The following CADPS2 variants were observed in gnomAD, a reference collection of about 807,000 sequenced individuals.
The protein encoded by CADPS2 is calcium dependent secretion activator 2.
CADPS2 carries 93 observed loss-of-function variants against 172.5 expected under a neutral mutation model. That is an observed-to-expected ratio of 0.54 (90% CI 0.46 to 0.64). CADPS2 has a LOEUF of 0.64. Ranked by LOEUF, CADPS2 falls within the 30% of genes least tolerant of loss-of-function variation. CADPS2 has a pLI of 0.00. For synonymous variants in CADPS2, 546 were observed against 555.2 expected (o/e 0.98, Z 0.23); for missense variants, 1,420 against 1,565.9 (o/e 0.91, Z 1.57).
At chr7:122,699,221 T>G (rs572002756) in intron 2 of CADPS2, 1 of 250,032 alleles carries the variant, frequency 4.0e-6, no homozygotes, top group Non-Finnish European at 7.7e-6. Flanking sequence ...GCTTAGAGCA[T>G]ACTGTGAATT....
intron 2 of CADPS2, among the ~76,000 whole-genome samples, chr7:122,703,471 T>C (rs1329643860): frequency 1.3e-5 from 2 of 152,084 alleles, no homozygotes; most frequent in African/African-American, 4.8e-5. Context: ...CACCTAAAGA[T>C]CCAACACTAA....
chr7:122,543,873 A>G (rs1403547658), intron 8 of CADPS2, among the ~76,000 whole-genome samples: 1 of 152,174 alleles, frequency 6.6e-6, no homozygotes, highest in African/African-American at 2.4e-5. Context: ...AGACAATAAT[A>G]TAACTATAAA....
Position 122,447,031 on chromosome 7 carries a change from CTTTTTTTTTTTTTTT to C in CADPS2, c.2288+4328_2288+4342del, listed in dbSNP as rs71530096. On this transcript the variant is annotated intron_variant, in intron 15 of 29. Coordinates refer to ENST00000449022, the MANE Select transcript of CADPS2 (RefSeq NM_017954.11). Reference sequence around the variant, plus strand: ...CCATCTTGGACATAAGTAGCTCCCTCTTTTTTTTTTTTTTTTTTTTTTTTTTGACCACATTCCCCC... The same window carrying C: ...CCATCTTGGACATAAGTAGCTCCCTCTTTTTTTTTTTGACCACATTCCCCC... Among the ~76,000 whole-genome samples the C allele has an allele frequency of 7.7e-5, 6 of 78,376 alleles. No individual in the cohort carries two copies. The East Asian group carries it at 2.8e-3, about 36-fold the overall frequency. 51.4% of individuals were successfully genotyped at this position (78,376 alleles called of 152,430 possible).
intron 1 of CADPS2, among the ~76,000 whole-genome samples, chr7:122,751,074 G>A (rs973118062): frequency 3.9e-5 from 6 of 152,088 alleles, no homozygotes; most frequent in African/African-American, 1.2e-4. Context: ...TCATGACAAA[G>A]AAATATGAGG....
chr7:122,873,556 T>C (rs1453834032), intron 1 of CADPS2, among the ~76,000 whole-genome samples: 2 of 152,190 alleles, frequency 1.3e-5, no homozygotes, highest in Admixed American at 6.5e-5. Flanking sequence ...ACATTTTCTT[T>C]ATCCAGTCTA....
At chr7:122,498,483 C>T (rs904713233) in intron 9 of CADPS2, among the ~76,000 whole-genome samples, 4 of 152,056 alleles carry the variant, frequency 2.6e-5, no homozygotes, top group African/African-American at 7.2e-5. Context: ...CAGAAATAAT[C>T]TTGAAGCTTT....
chr7:122,645,279 A>T (rs1427924074), intron 3 of CADPS2, among the ~76,000 whole-genome samples: 12 of 140,268 alleles, frequency 8.6e-5, no homozygotes, highest in Admixed American at 8.5e-4. Context: ...ACATATATAC[A>T]CACATATGTA....
chr7:122,706,017 T>C (rs1223159393), intron 2 of CADPS2, among the ~76,000 whole-genome samples: 1 of 98,584 alleles, frequency 1.0e-5, no homozygotes, highest in African/African-American at 4.2e-5. Flanking sequence ...ATATATTATA[T>C]ATTATATAAA....
At chr7:122,836,927 C>A (rs923843100) in intron 1 of CADPS2, among the ~76,000 whole-genome samples, 4 of 152,104 alleles carry the variant, frequency 2.6e-5, no homozygotes, top group East Asian at 1.9e-4. Context: ...ACCAAGCGGA[C>A]CTAATAGACA....
At chr7:122,690,890 G>A (rs569159870) in intron 2 of CADPS2, among the ~76,000 whole-genome samples, 1 of 152,172 alleles carries the variant, frequency 6.6e-6, no homozygotes, top group Non-Finnish European at 1.5e-5. Flanking sequence ...CAACAGTCCA[G>A]GCAGCACAAG....
At chr7:122,348,801 A>C (rs1440176204) in intron 27 of CADPS2, among the ~76,000 whole-genome samples, 2 of 152,164 alleles carry the variant, frequency 1.3e-5, no homozygotes, top group African/African-American at 4.8e-5. Context: ...GTTCTTTAAA[A>C]CACTTTATCT....
At chr7:122,645,660 T>TATATAC (rs1554688618) in intron 3 of CADPS2, among the ~76,000 whole-genome samples, 1 of 33,666 alleles carries the variant, frequency 3.0e-5, no homozygotes, top group Non-Finnish European at 8.8e-5. Context: ...ATCTCTAAGA[T>TATATAC]ATATATATAT....
intron 6 of CADPS2, among the ~76,000 whole-genome samples, chr7:122,592,848 G>A (rs2071091367): frequency 6.6e-6 from 1 of 151,000 alleles, no homozygotes; most frequent in African/African-American, 2.4e-5. Context: ...GGGGATGGGG[G>A]GAGGGGGGAG....
At chr7:122,560,118 A>C (rs1440614021) in intron 7 of CADPS2, among the ~76,000 whole-genome samples, 2 of 152,126 alleles carry the variant, frequency 1.3e-5, no homozygotes, top group African/African-American at 2.4e-5. Context: ...ATCATGTTTG[A>C]GGAATAGAAT....
chr7:122,880,295 T>C (rs548366054), intron 1 of CADPS2, among the ~76,000 whole-genome samples: 31 of 152,306 alleles, frequency 2.0e-4, no homozygotes, highest in African/African-American at 7.0e-4. Flanking sequence ...TCTACAGTTG[T>C]ACAATGAATA....
intron 1 of CADPS2, among the ~76,000 whole-genome samples, chr7:122,767,554 G>A (rs939002099): frequency 6.6e-6 from 1 of 152,096 alleles, no homozygotes; most frequent in Non-Finnish European, 1.5e-5. Flanking sequence ...CAATAGTTGA[G>A]AGGCATTCAA....
intron 1 of CADPS2, among the ~76,000 whole-genome samples, chr7:122,881,910 A>G (rs1236023112): frequency 6.6e-6 from 1 of 152,142 alleles, no homozygotes; most frequent in African/African-American, 2.4e-5. Flanking sequence ...TTGCCTTTAT[A>G]TTATCTTTAC....
intron 1 of CADPS2, among the ~76,000 whole-genome samples, chr7:122,814,602 C>T (rs1444096322): frequency 6.6e-6 from 1 of 152,044 alleles, no homozygotes; most frequent in Non-Finnish European, 1.5e-5. Flanking sequence ...CGTACTCATT[C>T]ATTTGTGTAC....
At chr7:122,537,075 C>T (rs1424985686) in intron 8 of CADPS2, among the ~76,000 whole-genome samples, 1 of 151,506 alleles carries the variant, frequency 6.6e-6, no homozygotes, top group African/African-American at 2.4e-5. Flanking sequence ...ATTTACTAGG[C>T]TTAATATCTA....
Sources: gnomAD v4.1 joint callset for allele counts (sites outside exome capture counted in the v4.1 genomes callset) on GRCh38, gnomAD v4.1.1 for gene constraint, MANE v1.5 for transcripts, NCBI Gene and HGNC (gene_info 2026-07-23, HGNC 2026-07-21) for gene names.